Variants in ROBO2 observed in about 807,000 individuals in gnomAD.
ROBO2 encodes the protein roundabout homolog 2.
Under a neutral mutation model 160.8 loss-of-function variants are expected in ROBO2, and 53 were observed. The observed-to-expected ratio is 0.33, with a 90% CI of 0.26 to 0.41. ROBO2 has a LOEUF of 0.41. ROBO2 is among the 10% of genes least tolerant of loss of function. The probability of loss-of-function intolerance (pLI) is 1.00; values close to 1 mark genes in which losing one functional copy is unlikely to be tolerated. For missense variants in ROBO2, 1,577 were observed against 1,722.4 expected, an observed-to-expected ratio of 0.92 and a Z score of 1.49; for synonymous variants, 664 against 611.7, an observed-to-expected ratio of 1.09 and a Z score of -1.26.
chr3:76,669,333 T>C (rs561473090), intron 2 of ROBO2, among the ~76,000 whole-genome samples: 1 of 152,174 alleles, frequency 6.6e-6, no homozygotes, highest in South Asian at 2.1e-4. Context: ...AAGAATTCCA[T>C]AAAAAAGGCA....
intron 2 of ROBO2, among the ~76,000 whole-genome samples, chr3:76,821,980 A>G (rs2066160551): frequency 6.6e-6 from 1 of 152,028 alleles, no homozygotes; most frequent in South Asian, 2.1e-4. Flanking sequence ...TTCTTAAATA[A>G]TGAAACTCCA....
chr3:77,503,404 G>A (rs1337246068), intron 5 of ROBO2, among the ~76,000 whole-genome samples: 2 of 151,016 alleles, frequency 1.3e-5, no homozygotes, highest in Non-Finnish European at 3.0e-5. Context: ...GGCGCCTGTA[G>A]TCCCAGTTAC....
intron 2 of ROBO2, among the ~76,000 whole-genome samples, chr3:76,679,013 C>T (rs898610210): frequency 2.2e-4 from 33 of 152,118 alleles, no homozygotes; most frequent in Admixed American, 1.1e-3. Flanking sequence ...AACACCTCCA[C>T]TCATTAAGTT....
intron 2 of ROBO2, among the ~76,000 whole-genome samples, chr3:76,430,763 A>G (rs6809193): frequency 0.71 from 108,565 of 151,858 alleles, 39,432 homozygotes; most frequent in African/African-American, 0.85. Flanking sequence ...AGTACTTAAG[A>G]TATAGATACT....
intron 2 of ROBO2, among the ~76,000 whole-genome samples, chr3:76,092,606 G>A (rs994169146): frequency 1.3e-5 from 2 of 152,160 alleles, no homozygotes; most frequent in African/African-American, 4.8e-5. Flanking sequence ...GCAGTTAACA[G>A]GTGTTCTAGC....
At chr3:76,186,138 G>A (rs2107142763) in intron 2 of ROBO2, among the ~76,000 whole-genome samples, 1 of 151,874 alleles carries the variant, frequency 6.6e-6, no homozygotes, top group South Asian at 2.1e-4. Context: ...TCACCATGTT[G>A]TCCAGGCTGG....
chr3:77,301,976 C>T (rs2062698789), intron 2 of ROBO2, among the ~76,000 whole-genome samples: 1 of 151,832 alleles, frequency 6.6e-6, no homozygotes, highest in Admixed American at 6.6e-5. Flanking sequence ...AGTCATGGCT[C>T]ACTGCAGCCT....
chr3:76,639,764 A>C (rs1269533552), intron 2 of ROBO2, among the ~76,000 whole-genome samples: 1 of 152,188 alleles, frequency 6.6e-6, no homozygotes, highest in Non-Finnish European at 1.5e-5. Context: ...TAGGGCTAAA[A>C]GGTAACTTTT....
rs2059597870 is a variant in ROBO2, at chr3:76,972,085, C to A, written c.110-125929C>A. 2.6e-5 allele frequency among the ~76,000 whole-genome samples: 4 copies of A among 152,100 alleles called. No individual in the cohort carries two copies. The South Asian group carries it at 8.3e-4, about 32-fold the overall frequency. On this transcript the variant is annotated intron_variant, in intron 2 of 26. Transcript: ENST00000487694. Reference sequence around the variant, plus strand: ...ATTTTTCTTTTTTCAGTCTTTAACACAAGTCCCTTGAGAATTACATCTAAC... The same window carrying A: ...ATTTTTCTTTTTTCAGTCTTTAACAAAAGTCCCTTGAGAATTACATCTAAC...
At chr3:77,521,643 G>C (rs2090610537) in intron 5 of ROBO2, among the ~76,000 whole-genome samples, 1 of 151,188 alleles carries the variant, frequency 6.6e-6, no homozygotes, top group African/African-American at 2.4e-5. Context: ...GGGTAGTTAA[G>C]TTTAGTTGGC....
At chr3:76,623,042 A>G (rs182646056) in intron 2 of ROBO2, among the ~76,000 whole-genome samples, 232 of 152,100 alleles carry the variant, frequency 1.5e-3, no homozygotes, top group African/African-American at 5.3e-3. Context: ...CTCAAGAACC[A>G]GTGAAGCATC....
At chr3:77,456,804 G>A (rs2081691308) in intron 2 of ROBO2, among the ~76,000 whole-genome samples, 1 of 152,100 alleles carries the variant, frequency 6.6e-6, no homozygotes, top group Admixed American at 6.5e-5. Context: ...ACTGAAAAAG[G>A]AGGCATATCA....
intron 2 of ROBO2, among the ~76,000 whole-genome samples, chr3:76,639,169 T>G (rs1259734730): frequency 1.3e-5 from 2 of 152,110 alleles, no homozygotes; most frequent in Admixed American, 6.5e-5. Flanking sequence ...TGTATACATA[T>G]GTGTATATAT....
At chr3:76,736,243 C>T (rs2107947424) in intron 2 of ROBO2, among the ~76,000 whole-genome samples, 1 of 136,112 alleles carries the variant, frequency 7.3e-6, no homozygotes, top group East Asian at 2.0e-4. Context: ...GATCGCGTCC[C>T]TGCACTCCAG....
intron 2 of ROBO2, among the ~76,000 whole-genome samples, chr3:77,454,145 G>A (rs965651527): frequency 1.3e-5 from 2 of 149,264 alleles, no homozygotes; most frequent in African/African-American, 4.9e-5. Flanking sequence ...AATACTTGCC[G>A]GTTTATGGTA....
chr3:77,039,240 C>T (rs1030892705), upstream of ROBO2, among the ~76,000 whole-genome samples: 1 of 152,200 alleles, frequency 6.6e-6, no homozygotes, highest in East Asian at 1.9e-4. Context: ...CTACACACAA[C>T]CTTTCCAGTC....
intron 2 of ROBO2, among the ~76,000 whole-genome samples, chr3:76,060,794 C>G (rs755135291): frequency 6.6e-6 from 1 of 151,528 alleles, no homozygotes; most frequent in Non-Finnish European, 1.5e-5. Flanking sequence ...TAGATCTTGT[C>G]TGTGACTCTT....
intron 2 of ROBO2, among the ~76,000 whole-genome samples, chr3:76,050,952 A>G (rs1157554210): frequency 4.6e-5 from 7 of 152,190 alleles, no homozygotes; most frequent in Non-Finnish European, 8.8e-5. Flanking sequence ...GCCTGCCCAT[A>G]TTTTAAATGT....
intron 2 of ROBO2, among the ~76,000 whole-genome samples, chr3:75,980,666 G>C (rs2065248974): frequency 6.6e-6 from 1 of 151,446 alleles, no homozygotes; most frequent in Non-Finnish European, 1.5e-5. Context: ...TGATAATTTA[G>C]AAGACTCAAA....
Sources: gnomAD v4.1 joint callset for allele counts (sites outside exome capture counted in the v4.1 genomes callset) on GRCh38, gnomAD v4.1.1 for gene constraint, MANE v1.5 for transcripts, NCBI Gene and HGNC (gene_info 2026-07-23, HGNC 2026-07-21) for gene names.